Variants in PAK1 observed in about 807,000 individuals in gnomAD.
PAK1 encodes p21 (RAC1) activated kinase 1.
A neutral mutation model predicts 67.4 loss-of-function variants in PAK1; 29 were observed. That is an observed-to-expected ratio of 0.43 (90% CI 0.32 to 0.59). The LOEUF is 0.59. PAK1 is among the 20% of genes least tolerant of loss of function. The pLI, the probability that PAK1 is intolerant of heterozygous loss-of-function variation, is 0.07. For synonymous variants in PAK1, 223 were observed against 237.4 expected (o/e 0.94, Z 0.56); for missense variants, 337 against 670.7 (o/e 0.50, Z 5.50).
intron 1 of PAK1, among the ~76,000 whole-genome samples, chr11:77,445,670 C>G (rs898371236): frequency 2.0e-5 from 3 of 152,176 alleles, no homozygotes; most frequent in Non-Finnish European, 4.4e-5. Flanking sequence ...CTGTTTCACA[C>G]CGGAGTGAGC....
At chr11:77,393,971 C>G (rs1951499844) in intron 1 of PAK1, among the ~76,000 whole-genome samples, 1 of 152,094 alleles carries the variant, frequency 6.6e-6, no homozygotes, top group Admixed American at 6.6e-5. Flanking sequence ...CCACTGTACT[C>G]CAGCCTGGGT....
intron 1 of PAK1, among the ~76,000 whole-genome samples, chr11:77,467,653 G>A (rs2154754): frequency 0.37 from 56,100 of 151,876 alleles, 11,228 homozygotes; most frequent in African/African-American, 0.53. Context: ...GTGCATAGCC[G>A]AAATTAAAAC....
intron 14 of PAK1, among the ~76,000 whole-genome samples, chr11:77,326,764 G>C (rs1027174137): frequency 1.3e-5 from 2 of 152,164 alleles, no homozygotes; most frequent in African/African-American, 4.8e-5. Context: ...CTCCTCACCA[G>C]CAACGGAACA....
intron 3 of PAK1, 41 bp from the exon 4 acceptor site, chr11:77,379,429 A>G: frequency 6.3e-7 from 1 of 1,584,884 alleles, no homozygotes; most frequent in African/African-American, 1.4e-5. Context: ...AGGCACAGTC[A>G]CAGGGGAGCC....
At chr11:77,327,466 TG>T (rs1565570079) in intron 14 of PAK1, among the ~76,000 whole-genome samples, 4 of 151,960 alleles carry the variant, frequency 2.6e-5, no homozygotes. Flanking sequence ...CAGAAGAGAG[TG>T]GGGGCCAATA....
At chr11:77,501,734 C>A in the PAK1 span, among the ~76,000 whole-genome samples, 1 of 152,128 alleles carries the variant, frequency 6.6e-6, no homozygotes, top group Non-Finnish European at 1.5e-5. Flanking sequence ...GAGAATGAAT[C>A]AAGATAAAGA....
chr11:77,346,878 GTTCT>G (rs1174535291), intron 9 of PAK1, among the ~76,000 whole-genome samples: 2 of 152,182 alleles, frequency 1.3e-5, no homozygotes, highest in African/African-American at 2.4e-5. Flanking sequence ...CTTCCAGTCT[GTTCT>G]TTCTATTGTA....
At chr11:77,428,923 G>A (rs1955705248) in intron 1 of PAK1, among the ~76,000 whole-genome samples, 1 of 151,628 alleles carries the variant, frequency 6.6e-6, no homozygotes, top group Admixed American at 6.6e-5. Context: ...ACACAGTAGG[G>A]AGAGCCTGTG....
intron 2 of PAK1, among the ~76,000 whole-genome samples, chr11:77,382,915 T>C (rs987540381): frequency 2.6e-5 from 4 of 152,120 alleles, no homozygotes; most frequent in African/African-American, 7.2e-5. Flanking sequence ...TGAGAATAGC[T>C]TGAACCAGGA....
intron 1 of PAK1, among the ~76,000 whole-genome samples, chr11:77,418,656 A>G (rs1349989459): frequency 2.0e-5 from 3 of 152,238 alleles, no homozygotes; most frequent in Non-Finnish European, 4.4e-5. Context: ...GCTTCAGCCC[A>G]TCATTCCAAG....
At chr11:77,410,892 G>A (rs1393178741) in intron 1 of PAK1, among the ~76,000 whole-genome samples, 1 of 152,140 alleles carries the variant, frequency 6.6e-6, no homozygotes, top group Non-Finnish European at 1.5e-5. Flanking sequence ...TATTACCACA[G>A]CCAGGTCTGT....
At chr11:77,325,349 TA>T in intron 14 of PAK1, 2 of 1,613,786 alleles carry the variant, frequency 1.2e-6, no homozygotes, top group Non-Finnish European at 8.5e-7. Flanking sequence ...GAAAAGTTAC[TA>T]AACACTTGAA....
At chr11:77,327,099 A>C (rs920561791) in intron 14 of PAK1, among the ~76,000 whole-genome samples, 13 of 152,200 alleles carry the variant, frequency 8.5e-5, no homozygotes, top group African/African-American at 3.1e-4. Flanking sequence ...GAATAAAAAG[A>C]AACGAACAAA....
chr11:77,355,900 C>CACATCTAGGAGAGGT, intron 6 of PAK1, 58 bp from the exon 7 acceptor site: 5 of 1,090,592 alleles, frequency 4.6e-6, no homozygotes, highest in Non-Finnish European at 7.0e-6. Context: ...AGGGGAACCT[C>CACATCTAGGAGAGGT]TCCTAGATGT....
chr11:77,457,361 C>A (rs1957127791), intron 1 of PAK1, among the ~76,000 whole-genome samples: 2 of 152,082 alleles, frequency 1.3e-5, no homozygotes, highest in Admixed American at 6.6e-5. Flanking sequence ...CTTCTGTTTC[C>A]ATGGTTTCAA....
At chr11:77,498,809 T>A in the PAK1 span, among the ~76,000 whole-genome samples, 1 of 149,140 alleles carries the variant, frequency 6.7e-6, no homozygotes, top group African/African-American at 2.5e-5. Context: ...CAAGCATTTC[T>A]CCTGCCTCAG....
At chr11:77,525,540 G>A in the PAK1 span, among the ~76,000 whole-genome samples, 11 of 152,130 alleles carry the variant, frequency 7.2e-5, no homozygotes, top group Non-Finnish European at 1.3e-4. Flanking sequence ...AGGATGCAAG[G>A]AAAGCCTTAC....
intron 1 of PAK1, among the ~76,000 whole-genome samples, chr11:77,437,164 G>A (rs1185955608): frequency 3.9e-5 from 6 of 152,180 alleles, no homozygotes; most frequent in Non-Finnish European, 5.9e-5. Context: ...GCACACAACA[G>A]ATCTATGCCT....
chr11:77,527,923 C>T, the PAK1 span, among the ~76,000 whole-genome samples: 8 of 152,002 alleles, frequency 5.3e-5, no homozygotes, highest in Non-Finnish European at 1.2e-4. Flanking sequence ...AATCACAGCT[C>T]ACTGGAGCCT....
Sources: gnomAD v4.1 joint callset for allele counts (sites outside exome capture counted in the v4.1 genomes callset) on GRCh38, gnomAD v4.1.1 for gene constraint, MANE v1.5 for transcripts, NCBI Gene and HGNC (gene_info 2026-07-23, HGNC 2026-07-21) for gene names.